Variants in TMCO4 observed in about 807,000 individuals in gnomAD.
The protein encoded by TMCO4 is transmembrane and coiled-coil domains 4, also known as transmembrane and coiled-coil domain-containing protein 4.
In TMCO4, 58 loss-of-function variants were observed where a neutral mutation model predicts 64.7. The observed-to-expected ratio is 0.90, with a 90% CI of 0.73 to 1.12. TMCO4 has a LOEUF of 1.12. Ranked by LOEUF, TMCO4 falls within the 50% of genes most tolerant of loss-of-function variation. The pLI is 0.00. For synonymous variants in TMCO4, 325 were observed against 346.1 expected, an observed-to-expected ratio of 0.94 and a Z score of 0.68; for missense variants, 780 against 825.9, an observed-to-expected ratio of 0.94 and a Z score of 0.68.
At position 19,694,525 on chromosome 1, in the gene TMCO4, T is replaced by C. The variant is rs906803569; in HGVS notation, c.1409A>G (p.Tyr470Cys). Residue 470 changes from tyrosine to cysteine, a missense_variant, in exon 15 of 16, where the codon TAC becomes TGC. Transcript: ENST00000294543. Reference sequence around the variant, plus strand: ...ACGGAGCTGCACCGAGGATGTGCGGTACACGAAACTCAGCAGCCAGTCTCC... The same window carrying C: ...ACGGAGCTGCACCGAGGATGTGCGGCACACGAAACTCAGCAGCCAGTCTCC... ...CRGDWLLSFVYRTSSVQLRVA... is the reference protein window; with the variant it reads ...CRGDWLLSFVCRTSSVQLRVA... 4 of 1,613,894 alleles carry C rather than the reference T, an allele frequency of 2.5e-6. No individual in the cohort carries two copies. Among genetic ancestry groups the C allele is most frequent in the Middle Eastern group, 1.6e-4 (1 of 6,080 alleles).
chr1:19,776,349 G>A (rs2043203030), intron 4 of TMCO4, among the ~76,000 whole-genome samples: 1 of 152,232 alleles, frequency 6.6e-6, no homozygotes, highest in Non-Finnish European at 1.5e-5. Context: ...AGCCACCTGT[G>A]TTTATAACAA....
chr1:19,767,930 A>G (rs2042808600), intron 6 of TMCO4, among the ~76,000 whole-genome samples: 1 of 152,046 alleles, frequency 6.6e-6, no homozygotes. Context: ...CATCTCTACT[A>G]AAAATACAAA....
At chr1:19,758,096 C>T (rs1463372402) in intron 6 of TMCO4, among the ~76,000 whole-genome samples, 3 of 152,172 alleles carry the variant, frequency 2.0e-5, no homozygotes, top group Non-Finnish European at 4.4e-5. Context: ...TTTCCCTGGC[C>T]TCATGTTTCC....
intron 13 of TMCO4, among the ~76,000 whole-genome samples, chr1:19,735,287 G>C (rs1258719498): frequency 6.6e-6 from 1 of 152,190 alleles, no homozygotes; most frequent in Non-Finnish European, 1.5e-5. Flanking sequence ...GATCCTTTGA[G>C]ATAAGTGTAC....
intron 7 of TMCO4, among the ~76,000 whole-genome samples, chr1:19,748,029 T>C (rs1177929590): frequency 6.6e-6 from 1 of 152,234 alleles, no homozygotes; most frequent in Non-Finnish European, 1.5e-5. Flanking sequence ...GGTTAATCTT[T>C]ACCAAGGGCT....
At chr1:19,698,858 A>G (rs567128717) in intron 14 of TMCO4, among the ~76,000 whole-genome samples, 2 of 152,356 alleles carry the variant, frequency 1.3e-5, no homozygotes, top group East Asian at 1.9e-4. Context: ...CACTGCACAC[A>G]TGCAATTTTA....
chr1:19,776,692 T>C (rs959746532), intron 4 of TMCO4, among the ~76,000 whole-genome samples: 2 of 152,156 alleles, frequency 1.3e-5, no homozygotes, highest in African/African-American at 4.8e-5. Context: ...CAGCCCCTTC[T>C]TCCTGGCTGG....
chr1:19,718,199 G>T (rs966869961), intron 13 of TMCO4, among the ~76,000 whole-genome samples: 1 of 152,044 alleles, frequency 6.6e-6, no homozygotes, highest in Admixed American at 6.6e-5. Context: ...ACTGGGCATG[G>T]TGGTGGGCAC....
At chr1:19,699,672 G>A (rs1185969473) in intron 14 of TMCO4, among the ~76,000 whole-genome samples, 2 of 151,958 alleles carry the variant, frequency 1.3e-5, no homozygotes, top group Non-Finnish European at 2.9e-5. Flanking sequence ...TCCTGCCTCA[G>A]CCTCCCACCA....
intron 2 of TMCO4, among the ~76,000 whole-genome samples, chr1:19,788,061 G>A (rs571022722): frequency 6.6e-6 from 1 of 152,234 alleles, no homozygotes; most frequent in South Asian, 2.1e-4. Context: ...CCAGCCCTTA[G>A]TGCCATTTTC....
intron 6 of TMCO4, among the ~76,000 whole-genome samples, chr1:19,757,024 C>T (rs919643083): frequency 4.6e-5 from 7 of 151,914 alleles, no homozygotes; most frequent in Non-Finnish European, 7.4e-5. Context: ...TGAAGGAGGT[C>T]GGGCGCCTGT....
Position 19,682,942 on chromosome 1 carries a change from G to A in TMCO4, c.*98C>T. 1 of 1,431,340 alleles carries A rather than the reference G, an allele frequency of 7.0e-7. No individual in the cohort carries two copies. Among genetic ancestry groups the A allele is most frequent in the East Asian group, 2.3e-5 (1 of 43,678 alleles). The allele number at this position is 1,431,340 out of a possible 1,614,324, so 88.7% of individuals were successfully genotyped here. A position where few individuals can be genotyped will look rare whatever the true frequency, so the allele number is the denominator to read the frequency against. ...CTTCCATTTAGGAAAGAGGCCTGTG[G>A]AAATCCTGTACCTCCAGAGCTCCTG... On this transcript the variant is annotated 3_prime_UTR_variant, in exon 16 of 16. Transcript: ENST00000294543.
At chr1:19,709,267 G>A (rs2095317919) in intron 13 of TMCO4, among the ~76,000 whole-genome samples, 1 of 145,848 alleles carries the variant, frequency 6.9e-6, no homozygotes, top group South Asian at 2.3e-4. Flanking sequence ...AAGTGATAAG[G>A]CTATTACTAA....
At chr1:19,749,262 AG>A (rs2041924920) in intron 7 of TMCO4, among the ~76,000 whole-genome samples, 1 of 152,234 alleles carries the variant, frequency 6.6e-6, no homozygotes, top group African/African-American at 2.4e-5. Context: ...CCCTCTCTGC[AG>A]AAAGATTATG....
intron 3 of TMCO4, among the ~76,000 whole-genome samples, chr1:19,786,453 G>A (rs890790101): frequency 2.6e-5 from 4 of 152,186 alleles, no homozygotes; most frequent in Non-Finnish European, 4.4e-5. Context: ...GGGTGGGCAC[G>A]TCTTTGACAA....
rs2095263061 is a variant in TMCO4, at chr1:19,700,264, ATAGGCTCCTG to A, written c.1382+494_1382+503del. ...GGAGGGTCTGTCACCCTGTTTGGGTATAGGCTCCTGCACGCTGGCGGCCTCCTGTTCTAGC... is the reference window on the plus strand; with the variant it reads ...GGAGGGTCTGTCACCCTGTTTGGGTACACGCTGGCGGCCTCCTGTTCTAGC... On this transcript the variant is annotated intron_variant, in intron 14 of 15. Coordinates refer to ENST00000294543, the MANE Select transcript of TMCO4 (RefSeq NM_181719.7). Among the ~76,000 whole-genome samples, 22 of 152,146 alleles carry A rather than the reference ATAGGCTCCTG, an allele frequency of 1.4e-4. No individual in the cohort carries two copies. The South Asian group carries it at 4.6e-3, about 32-fold the overall frequency.
intron 10 of TMCO4, 93 bp downstream of exon 10, chr1:19,745,439 C>G: frequency 1.3e-6 from 2 of 1,582,132 alleles, no homozygotes; most frequent in Non-Finnish European, 1.7e-6. Context: ...GCTCCCTATA[C>G]CTGCTCCCTA....
chr1:19,740,565 G>A (rs976413017), intron 11 of TMCO4, among the ~76,000 whole-genome samples: 4 of 152,274 alleles, frequency 2.6e-5, no homozygotes, highest in South Asian at 2.1e-4. Flanking sequence ...AATAGCTAAC[G>A]GACTGATCAT....
intron 13 of TMCO4, among the ~76,000 whole-genome samples, chr1:19,703,362 G>A (rs1158723794): frequency 6.6e-6 from 1 of 151,872 alleles, no homozygotes; most frequent in Non-Finnish European, 1.5e-5. Context: ...GTGGGAGTTC[G>A]TGCGCCCCAC....
Sources: allele counts gnomAD v4.1 joint callset (sites outside exome capture counted in the v4.1 genomes callset), GRCh38; gene constraint gnomAD v4.1.1; transcripts MANE v1.5; gene names NCBI Gene and HGNC (gene_info 2026-07-23, HGNC 2026-07-21).